PTPRD: variants seen among roughly 807,000 people sequenced by gnomAD.
The protein encoded by PTPRD is receptor-type tyrosine-protein phosphatase delta.
A neutral mutation model predicts 214.5 loss-of-function variants in PTPRD; 34 were observed. The observed-to-expected ratio is 0.16, with a 90% CI of 0.12 to 0.21. The LOEUF is 0.21. Among genes scored for constraint, PTPRD ranks in the 10% least tolerant of loss-of-function variants. The probability of loss-of-function intolerance (pLI) is 1.00; values close to 1 mark genes in which losing one functional copy is unlikely to be tolerated. For missense variants in PTPRD, 2,545 were observed against 2,398.7 expected, an observed-to-expected ratio of 1.06 and a Z score of -1.27; for synonymous variants, 1,128 against 845.7, an observed-to-expected ratio of 1.33 and a Z score of -5.79.
chr9:9,605,683 A>C (rs2094108945), intron 7 of PTPRD, among the ~76,000 whole-genome samples: 1 of 152,074 alleles, frequency 6.6e-6, no homozygotes, highest in South Asian at 2.1e-4. Flanking sequence ...GGAGTCAGGG[A>C]GAACAATTAG....
intron 3 of PTPRD, among the ~76,000 whole-genome samples, chr9:10,142,761 C>A (rs1020897894): frequency 4.0e-5 from 6 of 148,570 alleles, no homozygotes; most frequent in African/African-American, 1.3e-4. Context: ...TTGACCCAGC[C>A]ATCCCATTAC....
chr9:8,703,155 A>G (rs2098127197), intron 12 of PTPRD, among the ~76,000 whole-genome samples: 1 of 152,226 alleles, frequency 6.6e-6, no homozygotes, highest in South Asian at 2.1e-4. Context: ...CTGGAAATCT[A>G]TTTAGACTTC....
At chr9:9,477,336 G>A (rs982856097) in intron 8 of PTPRD, among the ~76,000 whole-genome samples, 2 of 152,164 alleles carry the variant, frequency 1.3e-5, no homozygotes, top group African/African-American at 2.4e-5. Context: ...AACAGCATGA[G>A]GATGCTCATG....
At chr9:9,346,054 G>T (rs1004277497) in intron 9 of PTPRD, among the ~76,000 whole-genome samples, 11 of 152,054 alleles carry the variant, frequency 7.2e-5, no homozygotes, top group African/African-American at 2.4e-4. Flanking sequence ...AATAGGGGCC[G>T]TGTTCTGGAA....
chr9:10,271,379 TA>T (rs2094408807), intron 3 of PTPRD, among the ~76,000 whole-genome samples: 1 of 102,240 alleles, frequency 9.8e-6, no homozygotes, highest in Admixed American at 9.3e-5. Flanking sequence ...ATTTAAAGAG[TA>T]ACTCAGAGTC....
chr9:9,828,677 T>A (rs1002388914), intron 5 of PTPRD, among the ~76,000 whole-genome samples: 1 of 151,540 alleles, frequency 6.6e-6, no homozygotes, highest in Admixed American at 6.6e-5. Context: ...GCTAATTTAC[T>A]TCCTAATGAA....
intron 11 of PTPRD, among the ~76,000 whole-genome samples, chr9:8,800,875 T>A (rs1430323793): frequency 1.3e-5 from 2 of 152,150 alleles, no homozygotes; most frequent in African/African-American, 2.4e-5. Flanking sequence ...CCAAAAGACA[T>A]TTCTCAGAAA....
chr9:9,651,839 T>TG (rs966350192), intron 7 of PTPRD, among the ~76,000 whole-genome samples: 1 of 132,542 alleles, frequency 7.5e-6, no homozygotes, highest in Non-Finnish European at 1.6e-5. Context: ...TTTTTTTTTT[T>TG]TTTTTTTTTT....
At chr9:9,931,899 C>G (rs541922105) in intron 5 of PTPRD, among the ~76,000 whole-genome samples, 3 of 151,138 alleles carry the variant, frequency 2.0e-5, no homozygotes, top group African/African-American at 7.3e-5. Flanking sequence ...CAGACTGCCT[C>G]CTCAAGTGGG....
In PTPRD at chr9:9,949,076, A is replaced by G. The variant is rs1291057038; in HGVS notation, c.-471-10466T>C. 5.9e-5 allele frequency among the ~76,000 whole-genome samples: 9 copies of G among 152,106 alleles called. No individual in the cohort carries two copies. The East Asian group carries it at 1.7e-3, about 29-fold the overall frequency. ...AGAGCAAAAATTATAAGAATTGTTC[A>G]TATGTCTCAAAATCAGAGAAAGTTC... On this transcript the variant is annotated intron_variant, in intron 4 of 45. Coordinates refer to ENST00000381196, the MANE Select transcript of PTPRD (RefSeq NM_002839.4).
At chr9:8,457,726 A>C (rs1298779971) in intron 33 of PTPRD, among the ~76,000 whole-genome samples, 4 of 152,132 alleles carry the variant, frequency 2.6e-5, no homozygotes, top group Admixed American at 2.6e-4. Context: ...ATGTGAGTCA[A>C]CAACGTTTTA....
At chr9:9,512,084 T>C (rs1002682988) in intron 8 of PTPRD, among the ~76,000 whole-genome samples, 8 of 151,768 alleles carry the variant, frequency 5.3e-5, no homozygotes, top group African/African-American at 1.9e-4. Flanking sequence ...AGAGATATGT[T>C]TTTCCTCTCA....
chr9:10,184,125 A>G (rs2099316541), intron 3 of PTPRD, among the ~76,000 whole-genome samples: 1 of 152,142 alleles, frequency 6.6e-6, no homozygotes, highest in Admixed American at 6.6e-5. Context: ...CACTGGTTTC[A>G]ATAAAAAAGA....
chr9:8,712,135 G>A (rs2098348620), intron 12 of PTPRD, among the ~76,000 whole-genome samples: 1 of 152,210 alleles, frequency 6.6e-6, no homozygotes, highest in African/African-American at 2.4e-5. Context: ...GGAGGGAGAT[G>A]CAATGCAGAG....
intron 7 of PTPRD, among the ~76,000 whole-genome samples, chr9:9,610,735 T>C (rs1592967715): frequency 6.6e-6 from 1 of 152,148 alleles, no homozygotes; most frequent in Non-Finnish European, 1.5e-5. Flanking sequence ...CTGATTACCT[T>C]TTTTTAATCA....
chr9:8,758,514 A>T (rs1237213805), intron 11 of PTPRD, among the ~76,000 whole-genome samples: 1 of 152,216 alleles, frequency 6.6e-6, no homozygotes, highest in East Asian at 1.9e-4. Flanking sequence ...CAGAATAAAA[A>T]TAAAACAGCC....
chr9:8,676,821 G>A (rs1283182091), intron 12 of PTPRD, among the ~76,000 whole-genome samples: 1 of 152,244 alleles, frequency 6.6e-6, no homozygotes, highest in Middle Eastern at 3.4e-3. Context: ...TGATCCACCC[G>A]CCTTGGCCTC....
At chr9:10,098,480 A>T (rs1401728561) in intron 3 of PTPRD, among the ~76,000 whole-genome samples, 1 of 151,716 alleles carries the variant, frequency 6.6e-6, no homozygotes, top group African/African-American at 2.4e-5. Flanking sequence ...GTACCCTAAA[A>T]CTTAAAGTAT....
intron 5 of PTPRD, among the ~76,000 whole-genome samples, chr9:9,905,970 T>C (rs1172854228): frequency 6.6e-6 from 1 of 151,966 alleles, no homozygotes; most frequent in Non-Finnish European, 1.5e-5. Context: ...TTGTCAGAGA[T>C]AAAATTTTAA....
Sources: gnomAD v4.1 joint callset for allele counts (sites outside exome capture counted in the v4.1 genomes callset) on GRCh38, gnomAD v4.1.1 for gene constraint, MANE v1.5 for transcripts, NCBI Gene and HGNC (gene_info 2026-07-23, HGNC 2026-07-21) for gene names.